Variants in ABLIM1 observed in about 807,000 individuals in gnomAD.
The protein encoded by ABLIM1 is actin binding LIM protein 1.
A neutral mutation model predicts 107.0 loss-of-function variants in ABLIM1; 40 were observed. The ratio of observed to expected loss-of-function variants is 0.37; its 90% confidence interval spans 0.29 to 0.49. The LOEUF is 0.49. ABLIM1 is among the 20% of genes least tolerant of loss of function. The pLI, the probability that ABLIM1 is intolerant of heterozygous loss-of-function variation, is 0.97. For missense variants in ABLIM1, 857 were observed against 1,008.5 expected, an observed-to-expected ratio of 0.85 and a Z score of 2.04; for synonymous variants, 357 against 357.3, an observed-to-expected ratio of 1.00 and a Z score of 0.01.
In ABLIM1 at chr10:114,713,196, AG is replaced by A. The variant is rs2081589435; in HGVS notation, c.-213+54864del. Among the ~76,000 whole-genome samples the A allele has an allele frequency of 2.6e-5, 4 of 152,312 alleles. No individual in the cohort carries two copies. The South Asian group carries it at 8.3e-4, about 32-fold the overall frequency. On this transcript the variant is annotated intron_variant, in intron 1 of 15. Transcript: ENST00000651092. ...TCCTGGTATGAGAAAATGCCTGGGA[AG>A]AAGGAATTCAATTGCTACTGTATTG...
At chr10:114,660,225 GTA>G (rs1273041644), upstream of ABLIM1, among the ~76,000 whole-genome samples, 1 of 152,170 alleles carries the variant, frequency 6.6e-6, no homozygotes, top group Non-Finnish European at 1.5e-5. Context: ...CAAACAATCT[GTA>G]TGTGTTCTTT....
chr10:114,801,078 T>G, the ABLIM1 span, among the ~76,000 whole-genome samples: 3 of 152,186 alleles, frequency 2.0e-5, no homozygotes, highest in Non-Finnish European at 2.9e-5. Context: ...CATTACATAC[T>G]GCATTCTTAT....
chr10:114,748,285 C>A (rs2082427040), intron 1 of ABLIM1, among the ~76,000 whole-genome samples: 2 of 151,928 alleles, frequency 1.3e-5, no homozygotes, highest in Admixed American at 6.6e-5. Flanking sequence ...AAAAAGCATA[C>A]ATAATGGTAA....
At chr10:114,650,269 G>A (rs2079185807) in intron 1 of ABLIM1, among the ~76,000 whole-genome samples, 1 of 152,158 alleles carries the variant, frequency 6.6e-6, no homozygotes, top group Admixed American at 6.5e-5. Context: ...AATCAGCACT[G>A]GGTCATGCCC....
chr10:114,756,172 C>A (rs1566308449), intron 1 of ABLIM1, among the ~76,000 whole-genome samples: 1 of 151,908 alleles, frequency 6.6e-6, no homozygotes, highest in Non-Finnish European at 1.5e-5. Context: ...GCTCCAACAT[C>A]GATTACTGGG....
At chr10:114,505,706 C>G (rs1209666829) in intron 6 of ABLIM1, among the ~76,000 whole-genome samples, 1 of 152,222 alleles carries the variant, frequency 6.6e-6, no homozygotes, top group African/African-American at 2.4e-5. Flanking sequence ...CAGTGGGATT[C>G]TAGTTTGTCA....
chr10:114,588,847 T>A (rs1447353272), intron 2 of ABLIM1, among the ~76,000 whole-genome samples: 1 of 152,050 alleles, frequency 6.6e-6, no homozygotes, highest in African/African-American at 2.4e-5. Flanking sequence ...CCTATATTTT[T>A]TCCCCCCTCC....
intron 4 of ABLIM1, among the ~76,000 whole-genome samples, chr10:114,554,128 G>T (rs932453171): frequency 6.6e-6 from 1 of 152,120 alleles, no homozygotes; most frequent in Non-Finnish European, 1.5e-5. Context: ...CCAACTAAAA[G>T]TCTCCAGCCA....
At chr10:114,488,177 C>A (rs41284350) in intron 7 of ABLIM1, among the ~76,000 whole-genome samples, 161 bp from the exon 8 acceptor site, 2 of 152,146 alleles carry the variant, frequency 1.3e-5, no homozygotes, top group Admixed American at 6.5e-5. Context: ...TCAGACATGT[C>A]CAAAGCCTAA....
chr10:114,448,964 G>C (rs1444514424), intron 14 of ABLIM1, among the ~76,000 whole-genome samples: 1 of 152,192 alleles, frequency 6.6e-6, no homozygotes, highest in Non-Finnish European at 1.5e-5. Context: ...TTGAGTCCTA[G>C]GAGAAATGGA....
intron 2 of ABLIM1, among the ~76,000 whole-genome samples, chr10:114,598,310 G>A (rs951344371): frequency 1.3e-5 from 2 of 148,408 alleles, no homozygotes; most frequent in African/African-American, 5.0e-5. Context: ...ATGTGCGGCC[G>A]GGTGCAGTGG....
intron 6 of ABLIM1, among the ~76,000 whole-genome samples, chr10:114,502,667 T>C (rs2060587488): frequency 6.6e-6 from 1 of 152,112 alleles, no homozygotes; most frequent in Non-Finnish European, 1.5e-5. Flanking sequence ...TGTCTAATTT[T>C]TGTATTTTTA....
intron 6 of ABLIM1, among the ~76,000 whole-genome samples, chr10:114,543,615 A>G (rs2066959190): frequency 6.6e-6 from 1 of 152,106 alleles, no homozygotes; most frequent in Non-Finnish European, 1.5e-5. Context: ...TAGATTTGAG[A>G]ACTCTCATAC....
chr10:114,487,620 ACAGT>A (rs1482016057), intron 8 of ABLIM1, among the ~76,000 whole-genome samples: 1 of 152,148 alleles, frequency 6.6e-6, no homozygotes, highest in Non-Finnish European at 1.5e-5. Context: ...AAGCACCAAA[ACAGT>A]CTGGTGAGGT....
intron 2 of ABLIM1, among the ~76,000 whole-genome samples, chr10:114,575,838 AT>A (rs2072455349): frequency 6.6e-6 from 1 of 152,212 alleles, no homozygotes; most frequent in African/African-American, 2.4e-5. Context: ...TATGTCTAAA[AT>A]TCTGAGATAA....
intron 4 of ABLIM1, among the ~76,000 whole-genome samples, chr10:114,548,608 C>T (rs1199432472): frequency 6.6e-6 from 1 of 152,196 alleles, no homozygotes; most frequent in African/African-American, 2.4e-5. Context: ...GAAACATTTG[C>T]TGTTATTACA....
the ABLIM1 span, among the ~76,000 whole-genome samples, chr10:114,787,103 C>T: frequency 1.5e-4 from 22 of 151,446 alleles, no homozygotes; most frequent in South Asian, 8.4e-4. Context: ...CGTCTCTGCC[C>T]GGCTGCCCAT....
chr10:114,544,006 C>A (rs1224057808), intron 6 of ABLIM1, among the ~76,000 whole-genome samples: 2 of 152,230 alleles, frequency 1.3e-5, no homozygotes, highest in Non-Finnish European at 2.9e-5. Flanking sequence ...GGGGGCTACA[C>A]TGGGCCTTTG....
At chr10:114,622,326 A>T (rs2077523037) in intron 1 of ABLIM1, among the ~76,000 whole-genome samples, 1 of 146,276 alleles carries the variant, frequency 6.8e-6, no homozygotes, top group Non-Finnish European at 1.5e-5. Flanking sequence ...GGCTCATCGC[A>T]TCCTCGACCT....
Sources: allele counts gnomAD v4.1 joint callset (sites outside exome capture counted in the v4.1 genomes callset), GRCh38; gene constraint gnomAD v4.1.1; transcripts MANE v1.5; gene names NCBI Gene and HGNC (gene_info 2026-07-23, HGNC 2026-07-21).